Variants in NUDCD1 observed in about 807,000 individuals in gnomAD.
NUDCD1 encodes the protein nudC domain-containing protein 1.
NUDCD1 carries 60 observed loss-of-function variants against 67.8 expected under a neutral mutation model. That is an observed-to-expected ratio of 0.88 (90% CI 0.72 to 1.10). NUDCD1 has a LOEUF of 1.10. NUDCD1 is among the 50% of genes least tolerant of loss of function. The pLI is 0.00. For missense variants in NUDCD1, 643 were observed against 695.0 expected (o/e 0.93, Z 0.84); for synonymous variants, 244 against 230.8 (o/e 1.06, Z -0.52).
intron 8 of NUDCD1, among the ~76,000 whole-genome samples, chr8:109,248,541 T>C (rs1026095544): frequency 3.3e-5 from 5 of 152,314 alleles, no homozygotes; most frequent in South Asian, 2.1e-4. Flanking sequence ...GTTAGAATAA[T>C]TGGCTGAAGA....
At chr8:109,260,813 C>T (rs575008627) in intron 8 of NUDCD1, among the ~76,000 whole-genome samples, 1 of 152,322 alleles carries the variant, frequency 6.6e-6, no homozygotes, top group South Asian at 2.1e-4. Context: ...ATACAACTCT[C>T]TTTCCTCACT....
chr8:109,281,640 G>A (rs1682013776), intron 5 of NUDCD1, among the ~76,000 whole-genome samples: 2 of 152,180 alleles, frequency 1.3e-5, no homozygotes, highest in South Asian at 4.1e-4. Context: ...AAAATCACAT[G>A]CACTTTTAGT....
At chr8:109,324,284 C>G (rs1379555469) in intron 1 of NUDCD1, among the ~76,000 whole-genome samples, 2 of 149,416 alleles carry the variant, frequency 1.3e-5, no homozygotes, top group Non-Finnish European at 3.0e-5. Flanking sequence ...AAATAGCCAA[C>G]AGTTACATGA....
chr8:109,332,784 G>A (rs890778347), intron 1 of NUDCD1, among the ~76,000 whole-genome samples: 1 of 151,904 alleles, frequency 6.6e-6, no homozygotes, highest in African/African-American at 2.4e-5. Context: ...AGAGGAAAAG[G>A]AAAAAAATAA....
At chr8:109,305,749 T>C (rs1815088260) in intron 2 of NUDCD1, among the ~76,000 whole-genome samples, 1 of 152,026 alleles carries the variant, frequency 6.6e-6, no homozygotes, top group Admixed American at 6.6e-5. Flanking sequence ...TCTACAACCT[T>C]GGTGGACTGG....
intron 2 of NUDCD1, among the ~76,000 whole-genome samples, chr8:109,321,368 T>C (rs915509802): frequency 6.6e-6 from 1 of 152,186 alleles, no homozygotes; most frequent in Non-Finnish European, 1.5e-5. Context: ...CACATTGTTT[T>C]TAAAGTAAAA....
intron 4 of NUDCD1, among the ~76,000 whole-genome samples, chr8:109,290,973 A>G (rs1053635770): frequency 2.6e-5 from 4 of 152,124 alleles, no homozygotes; most frequent in Admixed American, 6.6e-5. Context: ...AAACTCCTAC[A>G]CTTCCCCTAT....
In NUDCD1 at chr8:109,310,580, C is replaced by T. The variant is rs189724442; in HGVS notation, c.273+11729G>A. Among the ~76,000 whole-genome samples, 1,249 of 152,214 alleles carry T rather than the reference C, an allele frequency of 8.2e-3. 13 individuals carry two copies. The highest frequency in any genetic ancestry group is 0.015 in the Non-Finnish European group (994 of 68,004). ...AAGGCCAGGATTTCATGACCAAGAA[C>T]CCAAAAACAAATGAGATTAAAAACA... On this transcript the variant is annotated intron_variant, in intron 2 of 9. Transcript: ENST00000239690.
Position 109,257,702 on chromosome 8 carries a change from T to G in NUDCD1, c.1300-12221A>C, listed in dbSNP as rs184748200. Among the ~76,000 whole-genome samples the G allele has an allele frequency of 1.5e-3, 227 of 152,254 alleles. 1 individual carries two copies. The highest frequency in any genetic ancestry group is 4.8e-3 in the African/African-American group (199 of 41,574). On this transcript the variant is annotated intron_variant, in intron 8 of 9. Transcript: ENST00000239690. ...GACAGTAATCAAGCCAGTATAGTACTGTCTAAAGAAGGAATCAGCAAACTT... is the reference window on the plus strand; with the variant it reads ...GACAGTAATCAAGCCAGTATAGTACGGTCTAAAGAAGGAATCAGCAAACTT...
At chr8:109,279,925 C>G (rs572716744) in intron 6 of NUDCD1, among the ~76,000 whole-genome samples, 1 of 152,138 alleles carries the variant, frequency 6.6e-6, no homozygotes, top group Non-Finnish European at 1.5e-5. Flanking sequence ...AGCCACTGTG[C>G]CTGGCCACTT....
At chr8:109,328,230 T>C (rs1008910654) in intron 1 of NUDCD1, among the ~76,000 whole-genome samples, 7 of 152,204 alleles carry the variant, frequency 4.6e-5, no homozygotes, top group Non-Finnish European at 8.8e-5. Context: ...AAGTGAGGTA[T>C]AGTCAACTCT....
intron 8 of NUDCD1, among the ~76,000 whole-genome samples, chr8:109,254,200 T>A (rs1813679947): frequency 6.6e-6 from 1 of 152,200 alleles, no homozygotes; most frequent in South Asian, 2.1e-4. Flanking sequence ...GACATTTTTT[T>A]AAATGAAGTA....
chr8:109,289,302 C>T (rs1814647469), intron 5 of NUDCD1, among the ~76,000 whole-genome samples: 1 of 152,074 alleles, frequency 6.6e-6, no homozygotes, highest in Non-Finnish European at 1.5e-5. Context: ...ACATAACCTT[C>T]ATTCATTCAT....
intron 2 of NUDCD1, among the ~76,000 whole-genome samples, chr8:109,309,768 T>C (rs1815198818): frequency 6.6e-6 from 1 of 151,758 alleles, no homozygotes; most frequent in Non-Finnish European, 1.5e-5. Context: ...AGTTTCCAGA[T>C]ACAAACTTAA....
At position 109,293,569 on chromosome 8, in the gene NUDCD1, T is replaced by C. The variant is rs1399681741; in HGVS notation, c.460-45A>G. ...ACACAAAAAAGTGTACATAATTACA[T>C]GAACACAGATAGCATAGAGGGAATA... On this transcript the variant is annotated intron_variant, in intron 3 of 9. Transcript: ENST00000239690. 7.5e-6 allele frequency: 8 copies of C among 1,061,998 alleles called. No homozygotes were observed. The Admixed American group carries it at 1.6e-4, about 21-fold the overall frequency. 65.8% of individuals were successfully genotyped at this position (1,061,998 alleles called of 1,614,324 possible).
At chr8:109,258,508 G>A (rs751348467) in intron 8 of NUDCD1, among the ~76,000 whole-genome samples, 43 of 152,074 alleles carry the variant, frequency 2.8e-4, no homozygotes, top group Non-Finnish European at 2.4e-4. Flanking sequence ...AAAGGTTGGC[G>A]AAGAAAGAAA....
At chr8:109,317,992 A>C (rs1283769520) in intron 2 of NUDCD1, among the ~76,000 whole-genome samples, 1 of 152,232 alleles carries the variant, frequency 6.6e-6, no homozygotes, top group East Asian at 1.9e-4. Context: ...CTGAACTTAT[A>C]TGTAGAAGTA....
chr8:109,277,458 T>C (rs1243328381), intron 6 of NUDCD1, among the ~76,000 whole-genome samples: 1 of 148,208 alleles, frequency 6.7e-6, no homozygotes, highest in Non-Finnish European at 1.5e-5. Flanking sequence ...TATGCTACCA[T>C]CCAAGCAAAA....
chr8:109,322,258 T>C (rs2130133170), intron 2 of NUDCD1, 51 bp downstream of exon 2: 1 of 950,094 alleles, frequency 1.1e-6, no homozygotes, highest in Non-Finnish European at 1.5e-6. Context: ...ATTATCAAAT[T>C]TGCTTGATAT....
Sources: gnomAD v4.1 joint callset for allele counts (sites outside exome capture counted in the v4.1 genomes callset) on GRCh38, gnomAD v4.1.1 for gene constraint, MANE v1.5 for transcripts, NCBI Gene and HGNC (gene_info 2026-07-23, HGNC 2026-07-21) for gene names.